PPFIA2: variants seen among roughly 807,000 people sequenced by gnomAD.
PPFIA2 encodes liprin-alpha-2.
Under a neutral mutation model 175.5 loss-of-function variants are expected in PPFIA2, and 46 were observed. The observed-to-expected ratio is 0.26, with a 90% CI of 0.21 to 0.34. The LOEUF is 0.34. Ranked by LOEUF, PPFIA2 falls within the 10% of genes least tolerant of loss-of-function variation. The pLI is 1.00. For missense variants in PPFIA2, 1,179 were observed against 1,506.1 expected, an observed-to-expected ratio of 0.78 and a Z score of 3.60; for synonymous variants, 568 against 511.4, an observed-to-expected ratio of 1.11 and a Z score of -1.49.
chr12:81,619,437 A>C (rs1359725526), intron 4 of PPFIA2, among the ~76,000 whole-genome samples: 1 of 152,180 alleles, frequency 6.6e-6, no homozygotes, highest in African/African-American at 2.4e-5. Flanking sequence ...CTGATTTCAA[A>C]AATGTGCCCA....
At chr12:81,629,473 T>C (rs527986079) in intron 4 of PPFIA2, among the ~76,000 whole-genome samples, 2 of 152,264 alleles carry the variant, frequency 1.3e-5, no homozygotes, top group South Asian at 4.1e-4. Flanking sequence ...CATCCATTCA[T>C]TACCATCTAT....
intron 4 of PPFIA2, among the ~76,000 whole-genome samples, chr12:81,478,021 T>C (rs918637144): frequency 2.0e-5 from 3 of 152,200 alleles, no homozygotes; most frequent in African/African-American, 4.8e-5. Flanking sequence ...GGAATTCGGC[T>C]GTGAATCCAT....
chr12:81,374,839 C>T (rs1218644363), intron 10 of PPFIA2, 71 bp from the exon 11 acceptor site: 2 of 1,400,614 alleles, frequency 1.4e-6, no homozygotes, highest in Non-Finnish European at 1.9e-6. Context: ...TCGCCAGGGG[C>T]TTTGCACTTC....
chr12:81,718,459 C>G (rs577643243), intron 3 of PPFIA2, among the ~76,000 whole-genome samples: 1 of 151,646 alleles, frequency 6.6e-6, no homozygotes, highest in East Asian at 2.0e-4. Context: ...GGGGTCATGA[C>G]AGATTACATA....
At chr12:81,692,808 A>G (rs2153590115) in intron 3 of PPFIA2, among the ~76,000 whole-genome samples, 1 of 152,258 alleles carries the variant, frequency 6.6e-6, no homozygotes, top group African/African-American at 2.4e-5. Context: ...ATGTATAACA[A>G]TCATTAAATT....
At chr12:81,668,940 T>C (rs1228035961) in intron 4 of PPFIA2, among the ~76,000 whole-genome samples, 1 of 152,080 alleles carries the variant, frequency 6.6e-6, no homozygotes, top group Non-Finnish European at 1.5e-5. Context: ...ATCATCATCA[T>C]TCTTGTTTAA....
intron 4 of PPFIA2, among the ~76,000 whole-genome samples, chr12:81,492,277 C>T (rs965421776): frequency 2.0e-5 from 3 of 151,772 alleles, no homozygotes; most frequent in African/African-American, 7.3e-5. Flanking sequence ...AATTCAAACA[C>T]ATTTATAGGT....
chr12:81,276,436 C>G (rs2040551955), intron 28 of PPFIA2, among the ~76,000 whole-genome samples: 1 of 152,086 alleles, frequency 6.6e-6, no homozygotes, highest in South Asian at 2.1e-4. Flanking sequence ...ATACCTTTAC[C>G]TATATCTTTT....
chr12:81,508,038 C>T (rs2061363211), intron 4 of PPFIA2, among the ~76,000 whole-genome samples: 1 of 152,102 alleles, frequency 6.6e-6, no homozygotes. Flanking sequence ...TAAATAAGTG[C>T]TAAGTTCCTT....
At position 81,353,103 on chromosome 12, in the gene PPFIA2, T is replaced by C; in HGVS notation, c.1994+16A>G. On this transcript the variant is annotated intron_variant, in intron 17 of 32. Coordinates refer to ENST00000549396, the MANE Select transcript of PPFIA2 (RefSeq NM_003625.5). ...TCTTCTAATTTCTTGAAATCATCAG[T>C]ACTAATTGAAGTTACCTGATTTCTT... 6.2e-7 allele frequency: 1 copy of C among 1,604,580 alleles called. No homozygotes were observed. Among genetic ancestry groups the C allele is most frequent in the South Asian group, 1.1e-5 (1 of 90,866 alleles).
chr12:81,315,027 A>G (rs1397259772), intron 22 of PPFIA2, among the ~76,000 whole-genome samples: 1 of 151,796 alleles, frequency 6.6e-6, no homozygotes, highest in Non-Finnish European at 1.5e-5. Flanking sequence ...GTTTTCTACA[A>G]TAAGACAGAT....
intron 4 of PPFIA2, among the ~76,000 whole-genome samples, chr12:81,495,031 C>T (rs1184695914): frequency 6.6e-6 from 1 of 151,448 alleles, no homozygotes; most frequent in East Asian, 2.0e-4. Context: ...CAGCATGGCA[C>T]ATGTATACAT....
At chr12:81,303,651 T>G (rs544793827) in intron 22 of PPFIA2, among the ~76,000 whole-genome samples, 1 of 152,130 alleles carries the variant, frequency 6.6e-6, no homozygotes, top group Admixed American at 6.6e-5. Context: ...AGGCCCAACA[T>G]GTGGTGAGCA....
At chr12:81,455,038 A>G (rs575922391) in intron 5 of PPFIA2, among the ~76,000 whole-genome samples, 1 of 152,214 alleles carries the variant, frequency 6.6e-6, no homozygotes, top group East Asian at 1.9e-4. Flanking sequence ...AAATTTGCTC[A>G]CAATCTGACA....
chr12:81,467,304 C>G (rs912330198), intron 4 of PPFIA2, among the ~76,000 whole-genome samples: 4 of 152,142 alleles, frequency 2.6e-5, no homozygotes, highest in South Asian at 4.1e-4. Flanking sequence ...TAAGACACAT[C>G]AAGTGACATT....
chr12:81,321,810 G>A (rs140820801), intron 22 of PPFIA2, among the ~76,000 whole-genome samples: 59 of 152,206 alleles, frequency 3.9e-4, no homozygotes, highest in Admixed American at 1.9e-3. Context: ...TTGGTGAGTT[G>A]AACCTTATTC....
chr12:81,384,296 A>C lies in PPFIA2; in HGVS notation c.763-52T>G, dbSNP rs149185803. On this transcript the variant is annotated intron_variant, in intron 8 of 32. Transcript: ENST00000549396. Reference sequence around the variant, plus strand: ...CTTAAGAATTTTCATCTTTAATTTAAAATTTAAAATAAACTTAAAGAAATT... The same window carrying C: ...CTTAAGAATTTTCATCTTTAATTTACAATTTAAAATAAACTTAAAGAAATT... The C allele has an allele frequency of 4.8e-4, 579 of 1,204,500 alleles. 2 individuals carry two copies. In the African/African-American group the frequency reaches 7.9e-3, roughly 16 times the overall value. 74.6% of individuals were successfully genotyped at this position (1,204,500 alleles called of 1,614,324 possible).
intron 27 of PPFIA2, among the ~76,000 whole-genome samples, chr12:81,278,735 GTGACAT>G (rs2041268221): frequency 6.6e-6 from 1 of 152,146 alleles, no homozygotes; most frequent in Non-Finnish European, 1.5e-5. Context: ...AGAAGGTTTA[GTGACAT>G]TATGTATAAA....
chr12:81,356,891 ATGCTAATT>A (rs1478796849), intron 16 of PPFIA2, among the ~76,000 whole-genome samples: 1 of 152,180 alleles, frequency 6.6e-6, no homozygotes, highest in Non-Finnish European at 1.5e-5. Context: ...AGCCCAAGGC[ATGCTAATT>A]TACATGGTTA....
Sources: allele counts gnomAD v4.1 joint callset (sites outside exome capture counted in the v4.1 genomes callset), GRCh38; gene constraint gnomAD v4.1.1; transcripts MANE v1.5; gene names NCBI Gene and HGNC (gene_info 2026-07-23, HGNC 2026-07-21).